AFF2: variants seen among roughly 807,000 people sequenced by gnomAD.
The protein encoded by AFF2 is ALF transcription elongation factor 2.
In AFF2, 14 loss-of-function variants were observed where a neutral mutation model predicts 76.9. The observed-to-expected ratio is 0.18, with a 90% CI of 0.12 to 0.28. The LOEUF (loss-of-function observed/expected upper bound fraction) is 0.28. AFF2 is among the 10% of genes least tolerant of loss of function. AFF2 has a pLI of 1.00. For synonymous variants in AFF2, 398 were observed against 366.7 expected (o/e 1.09, Z -0.98); for missense variants, 868 against 1,001.1 (o/e 0.87, Z 1.79).
chrX:148,575,632 T>A (rs1297704909), intron 1 of AFF2, among the ~76,000 whole-genome samples: 1 of 110,442 alleles, frequency 9.1e-6, no homozygotes, highest in Non-Finnish European at 1.9e-5. Flanking sequence ...ATATGTATGA[T>A]AAGCAAGAAT....
At chrX:148,798,391 T>C (rs1557270703) in intron 3 of AFF2, among the ~76,000 whole-genome samples, 2 of 112,430 alleles carry the variant, frequency 1.8e-5, no homozygotes, top group African/African-American at 6.5e-5. Flanking sequence ...TAGCACTCCC[T>C]GTGGACAGCC....
At chrX:148,629,380 A>C (rs782171801) in intron 1 of AFF2, among the ~76,000 whole-genome samples, 8 of 112,332 alleles carry the variant, frequency 7.1e-5, no homozygotes, top group African/African-American at 1.9e-4. Context: ...AACTTTATGA[A>C]GTCAAATATT....
At chrX:148,904,423 C>A (rs1557281229) in intron 9 of AFF2, 165 bp downstream of exon 9, 6 of 400,540 alleles carry the variant, frequency 1.5e-5, no homozygotes, top group Non-Finnish European at 2.1e-5. Flanking sequence ...TGAGCAGGGA[C>A]CAGCTTATAT....
intron 4 of AFF2, among the ~76,000 whole-genome samples, chrX:148,814,841 GA>G (rs1380898267): frequency 9.0e-6 from 1 of 110,868 alleles, no homozygotes; most frequent in Non-Finnish European, 1.9e-5. Flanking sequence ...TTGCAAGTAA[GA>G]AAAAAAATGG....
In AFF2 at chrX:148,890,999, T is replaced by G. The variant is rs782546586; in HGVS notation, c.1359+5014T>G. 5.3e-5 allele frequency among the ~76,000 whole-genome samples: 6 copies of G among 112,444 alleles called. No individual in the cohort carries two copies. In the East Asian group the frequency reaches 1.7e-3, roughly 32 times the overall value. On this transcript the variant is annotated intron_variant, in intron 8 of 20. Coordinates refer to ENST00000370460, the MANE Select transcript of AFF2 (RefSeq NM_002025.4). Reference sequence around the variant, plus strand: ...TTGATATCAATGGCATGGTTGAGATTTGGGGGCCACATGATGTCTATTACC... The same window carrying G: ...TTGATATCAATGGCATGGTTGAGATGTGGGGGCCACATGATGTCTATTACC...
intron 7 of AFF2, among the ~76,000 whole-genome samples, chrX:148,879,487 AG>A (rs1557278225): frequency 8.9e-6 from 1 of 112,049 alleles, no homozygotes; most frequent in African/African-American, 3.2e-5. Flanking sequence ...TGGCTACACA[AG>A]AAAAGATTTT....
At chrX:148,638,219 G>A (rs1180703398) in intron 1 of AFF2, among the ~76,000 whole-genome samples, 3 of 111,869 alleles carry the variant, frequency 2.7e-5, no homozygotes, top group African/African-American at 6.5e-5. Flanking sequence ...CTGCTATAAA[G>A]ACATTACCTG....
intron 7 of AFF2, among the ~76,000 whole-genome samples, chrX:148,857,413 G>T (rs1446667953): frequency 8.9e-6 from 1 of 111,837 alleles, no homozygotes; most frequent in Non-Finnish European, 1.9e-5. Flanking sequence ...TTAAGTGAGG[G>T]TCTAAAATAG....
intron 1 of AFF2, among the ~76,000 whole-genome samples, chrX:148,525,989 G>A (rs1046288198): frequency 5.4e-5 from 6 of 111,302 alleles, no homozygotes; most frequent in Non-Finnish European, 1.1e-4. Flanking sequence ...ACAGCTCAGA[G>A]AGACACATCC....
chrX:148,769,161 T>G (rs1232945365), intron 3 of AFF2, among the ~76,000 whole-genome samples: 1 of 111,656 alleles, frequency 9.0e-6, no homozygotes, highest in Non-Finnish European at 1.9e-5. Flanking sequence ...ACTTGGTAGA[T>G]GAAAAATGAT....
At chrX:148,884,892 A>G (rs1557278896) in intron 7 of AFF2, among the ~76,000 whole-genome samples, 3 of 112,154 alleles carry the variant, frequency 2.7e-5, no homozygotes, top group African/African-American at 9.7e-5. Context: ...GAGTTAAGAA[A>G]GAGATTTCTA....
intron 1 of AFF2, among the ~76,000 whole-genome samples, chrX:148,534,331 T>C (rs782751037): frequency 1.7e-4 from 19 of 112,776 alleles, no homozygotes; most frequent in East Asian, 8.3e-4. Flanking sequence ...TGTCCTCATC[T>C]GTGACTACCA....
rs1372207378 is a variant in AFF2, at chrX:148,638,317, G to A, written c.48-13682G>A. ...GCCCCTGAAAGTTACAATCATGGTGGAAGGAGAAGGGGAAGCAAGGCATGT... is the reference window on the plus strand; with the variant it reads ...GCCCCTGAAAGTTACAATCATGGTGAAAGGAGAAGGGGAAGCAAGGCATGT... On this transcript the variant is annotated intron_variant, in intron 1 of 20. Coordinates refer to ENST00000370460, the MANE Select transcript of AFF2 (RefSeq NM_002025.4). 4.5e-5 allele frequency among the ~76,000 whole-genome samples: 5 copies of A among 111,287 alleles called. No homozygotes were observed. The East Asian group carries it at 1.4e-3, about 32-fold the overall frequency.
At chrX:148,813,678 G>C (rs190807181) in intron 4 of AFF2, among the ~76,000 whole-genome samples, 2 of 111,969 alleles carry the variant, frequency 1.8e-5, no homozygotes. Context: ...TCTGACAAGA[G>C]TCATACTATC....
chrX:148,530,550 T>A (rs1557235741), intron 1 of AFF2, among the ~76,000 whole-genome samples: 1 of 108,881 alleles, frequency 9.2e-6, no homozygotes, highest in Non-Finnish European at 1.9e-5. Context: ...ATTCTATGCG[T>A]TGAGATTTCC....
intron 3 of AFF2, among the ~76,000 whole-genome samples, chrX:148,744,055 A>AT (rs2055392866): frequency 9.0e-6 from 1 of 111,059 alleles, no homozygotes; most frequent in African/African-American, 3.3e-5. Context: ...CATATCTCTA[A>AT]TTTTTTACGT....
chrX:148,866,422 A>G (rs1390978858), intron 7 of AFF2, among the ~76,000 whole-genome samples: 1 of 112,597 alleles, frequency 8.9e-6, no homozygotes, highest in East Asian at 2.8e-4. Flanking sequence ...ATAGATGTTA[A>G]CACTAGTAGC....
intron 1 of AFF2, among the ~76,000 whole-genome samples, chrX:148,520,318 T>C (rs1389297924): frequency 8.9e-6 from 1 of 112,159 alleles, no homozygotes; most frequent in Non-Finnish European, 1.9e-5. Context: ...TTTTTGAAAA[T>C]AAACTTTTGC....
At chrX:148,671,793 C>G (rs2054427103) in intron 3 of AFF2, among the ~76,000 whole-genome samples, 1 of 106,910 alleles carries the variant, frequency 9.4e-6, no homozygotes, top group Admixed American at 1.0e-4. Context: ...TTTAAGGTAA[C>G]AGCTATATGC....
Sources: allele counts gnomAD v4.1 joint callset (sites outside exome capture counted in the v4.1 genomes callset), GRCh38; gene constraint gnomAD v4.1.1; transcripts MANE v1.5; gene names NCBI Gene and HGNC (gene_info 2026-07-23, HGNC 2026-07-21).